ADAMTS9: variants seen among roughly 807,000 people sequenced by gnomAD.
ADAMTS9 encodes A disintegrin and metalloproteinase with thrombospondin motifs 9.
Under a neutral mutation model 257.1 loss-of-function variants are expected in ADAMTS9, and 107 were observed. The ratio of observed to expected loss-of-function variants is 0.42; its 90% CI spans 0.36 to 0.49. ADAMTS9 has a LOEUF of 0.49. Ranked by LOEUF, ADAMTS9 falls within the 20% of genes least tolerant of loss-of-function variation. ADAMTS9 has a pLI of 0.03. For missense variants in ADAMTS9, 2,353 were observed against 2,469.1 expected, an observed-to-expected ratio of 0.95 and a Z score of 1.00; for synonymous variants, 982 against 880.9, an observed-to-expected ratio of 1.11 and a Z score of -2.03.
chr3:64,557,145 C>G lies in ADAMTS9; in HGVS notation c.4698+4433G>C, dbSNP rs2083349263. Among the ~76,000 whole-genome samples, 8 of 151,972 alleles carry G rather than the reference C, an allele frequency of 5.3e-5. No individual in the cohort carries two copies. The South Asian group carries it at 1.7e-3, about 32-fold the overall frequency. ...GAGGAAGTGACATCTAGGTTGAGGC[C>G]TGAAGGATAAGAAAGGGTGACTGAG... On this transcript the variant is annotated intron_variant, in intron 30 of 39. Coordinates refer to ENST00000498707, the MANE Select transcript of ADAMTS9 (RefSeq NM_182920.2).
intron 3 of ADAMTS9, among the ~76,000 whole-genome samples, chr3:64,659,473 CAA>C (rs60660621): frequency 3.1e-3 from 282 of 90,630 alleles, no homozygotes; most frequent in African/African-American, 8.6e-3. Flanking sequence ...CTGTCTCAAA[CAA>C]AAAAAAAAAA....
At chr3:64,675,429 A>C (rs1468127262) in intron 3 of ADAMTS9, among the ~76,000 whole-genome samples, 1 of 152,126 alleles carries the variant, frequency 6.6e-6, no homozygotes, top group Non-Finnish European at 1.5e-5. Flanking sequence ...TCAGTCCTGT[A>C]ATCCCAGGGA....
chr3:64,582,336 C>T (rs1030114282), intron 28 of ADAMTS9, among the ~76,000 whole-genome samples: 1 of 152,100 alleles, frequency 6.6e-6, no homozygotes, highest in Non-Finnish European at 1.5e-5. Flanking sequence ...TTTAAAAACC[C>T]AGACAAAGTG....
chr3:64,660,960 G>A (rs904715093), intron 3 of ADAMTS9, among the ~76,000 whole-genome samples: 1 of 152,130 alleles, frequency 6.6e-6, no homozygotes, highest in Non-Finnish European at 1.5e-5. Flanking sequence ...GATACAGTGC[G>A]CAATCAGTTT....
chr3:64,634,327 T>C (rs1035524134), intron 12 of ADAMTS9, among the ~76,000 whole-genome samples: 1 of 152,190 alleles, frequency 6.6e-6, no homozygotes, highest in African/African-American at 2.4e-5. Context: ...TACCTTGACA[T>C]ATTCACAGGA....
chr3:64,542,038 G>A, intron 32 of ADAMTS9, 68 bp from the exon 33 acceptor site: 1 of 1,596,888 alleles, frequency 6.3e-7, no homozygotes, highest in Non-Finnish European at 8.5e-7. Context: ...TGGTGGTGTG[G>A]AGCTCAGAGC....
In ADAMTS9 at chr3:64,686,549, G is replaced by C. The variant is rs1043245427; in HGVS notation, c.516+19C>G. The stretch of plus-strand genomic sequence containing the variant: ...GCGAGGAGGCGGAAGGGGAGAGGAG[G>C]TGGCGCGCGCCCACTTACCATTCCT... On this transcript the variant is annotated intron_variant, in intron 2 of 39. Coordinates refer to ENST00000498707, the MANE Select transcript of ADAMTS9 (RefSeq NM_182920.2). The surrounding 1 kb of genome is among the most constrained non-coding windows in gnomAD (Gnocchi z 4.6). 6.3e-6 allele frequency: 10 copies of C among 1,580,004 alleles called. No individual in the cohort carries two copies. The highest frequency in any genetic ancestry group is 6.9e-6 in the Non-Finnish European group (8 of 1,162,140).
At chr3:64,678,754 G>C (rs562275161) in intron 3 of ADAMTS9, among the ~76,000 whole-genome samples, 3 of 152,248 alleles carry the variant, frequency 2.0e-5, no homozygotes, top group Non-Finnish European at 4.4e-5. Context: ...TTGACCTGTT[G>C]GTCCATTCCT....
At chr3:64,569,882 C>A (rs1181842363) in intron 28 of ADAMTS9, among the ~76,000 whole-genome samples, 1 of 152,118 alleles carries the variant, frequency 6.6e-6, no homozygotes, top group Non-Finnish European at 1.5e-5. Flanking sequence ...AGGAAGCCAT[C>A]CAACTTGAAA....
intron 12 of ADAMTS9, among the ~76,000 whole-genome samples, chr3:64,639,461 C>G (rs1004060877): frequency 6.6e-6 from 1 of 151,976 alleles, no homozygotes; most frequent in East Asian, 1.9e-4. Flanking sequence ...GATCTTTACA[C>G]TGGGTGATTT....
At chr3:64,658,247 G>A (rs75581931) in intron 4 of ADAMTS9, among the ~76,000 whole-genome samples, 4,249 of 152,278 alleles carry the variant, frequency 0.028, 252 homozygotes, top group East Asian at 0.23. Context: ...ACCTGGCAGC[G>A]TTGCCAGAAG....
chr3:64,570,848 T>TG (rs2083667572), intron 28 of ADAMTS9, among the ~76,000 whole-genome samples: 1 of 151,778 alleles, frequency 6.6e-6, no homozygotes, highest in South Asian at 2.1e-4. Flanking sequence ...CTTACAGAGA[T>TG]GGGGAAAACT....
rs1485422320 is a variant in ADAMTS9 at position 64,615,433 on chromosome 3, T to C, written c.3077A>G (p.Asn1026Ser). The change falls in exon 21 of 40, where the codon AAT (asparagine) becomes AGT (serine). Residue 1026 changes from asparagine (N) to serine (S), a missense_variant. Asn to Ser is a conservative substitution (Grantham distance 46). Coordinates refer to ENST00000498707, the MANE Select transcript of ADAMTS9 (RefSeq NM_182920.2). Reference sequence around the variant, plus strand: ...GTCATCCAGTACATCATTTCGGGTATTGACACAAATAGCCCTTCTCCTCTG... The same window carrying C: ...GTCATCCAGTACATCATTTCGGGTACTGACACAAATAGCCCTTCTCCTCTG... ...GTQRRRAICV[N>S]TRNDVLDDSK... 1.2e-6 allele frequency: 2 copies of C among 1,614,018 alleles called. No homozygotes were observed. The highest frequency in any genetic ancestry group is 8.5e-7 in the Non-Finnish European group (1 of 1,179,900).
Position 64,607,064 on chromosome 3 carries a change from C to T in ADAMTS9, c.3370G>A (p.Gly1124Arg). ...GPWGQCSVTC[G>R]QGYQLRAVKC... ...ACTGCTCTTAGCTGGTATCCCTGTCCACAAGTGACACTGCACTGGAAGAAG... is the reference window on the plus strand; with the variant it reads ...ACTGCTCTTAGCTGGTATCCCTGTCTACAAGTGACACTGCACTGGAAGAAG... The change falls in exon 23 of 40, where the codon GGA (glycine) becomes AGA (arginine). Residue 1124 changes from glycine (G) to arginine (R), a missense_variant. Physicochemically the swap from Gly to Arg is moderately radical, Grantham distance 125. Coordinates refer to ENST00000498707, the MANE Select transcript of ADAMTS9 (RefSeq NM_182920.2). 7 of 1,613,732 alleles carry T rather than the reference C, an allele frequency of 4.3e-6. No individual in the cohort carries two copies. The highest frequency in any genetic ancestry group is 5.9e-6 in the Non-Finnish European group (7 of 1,179,746).
At chr3:64,660,191 G>A (rs1182176008) in intron 3 of ADAMTS9, among the ~76,000 whole-genome samples, 1 of 152,106 alleles carries the variant, frequency 6.6e-6, no homozygotes, top group Non-Finnish European at 1.5e-5. Flanking sequence ...CAACAGAATT[G>A]TACAATGAAG....
At chr3:64,635,910 T>C (rs551614244) in intron 12 of ADAMTS9, among the ~76,000 whole-genome samples, 30 of 152,290 alleles carry the variant, frequency 2.0e-4, no homozygotes, top group Non-Finnish European at 2.9e-4. Flanking sequence ...CCTGCTCAGG[T>C]AAAACTTGTT....
intron 16 of ADAMTS9, among the ~76,000 whole-genome samples, chr3:64,625,083 G>A (rs946975956): frequency 6.6e-6 from 1 of 152,110 alleles, no homozygotes; most frequent in Non-Finnish European, 1.5e-5. Flanking sequence ...AAAGATACAG[G>A]CCATATATTT....
In ADAMTS9 at chr3:64,518,764, A is replaced by ATTT. The variant is rs61286740; in HGVS notation, c.*6-1646_*6-1644dup. 9.0e-3 allele frequency among the ~76,000 whole-genome samples: 590 copies of ATTT among 65,324 alleles called. 51 individuals are homozygous for ATTT. Among genetic ancestry groups the ATTT allele is most frequent in the African/African-American group, 0.02 (413 of 20,196 alleles). The allele number at this position is 65,324 out of a possible 152,430, so 42.9% of individuals were successfully genotyped here. On this transcript the variant is annotated intron_variant, in intron 39 of 39. Transcript: ENST00000498707. ...CGAGGGAATTTATCATTACCTTTTC[A>ATTT]TTTTTTTTTTTTTTTTTTTTTTTTT... is the stretch of plus-strand genomic sequence containing the variant.
At chr3:64,599,033 C>T (rs2084412299) in intron 26 of ADAMTS9, among the ~76,000 whole-genome samples, 1 of 152,152 alleles carries the variant, frequency 6.6e-6, no homozygotes, top group Non-Finnish European at 1.5e-5. Context: ...GATCCATGGT[C>T]AAGCAATCCA....
Sources: allele counts gnomAD v4.1 joint callset (sites outside exome capture counted in the v4.1 genomes callset), GRCh38; gene constraint gnomAD v4.1.1; non-coding constraint Gnocchi (gnomAD v3.1); transcripts MANE v1.5; gene names NCBI Gene and HGNC (gene_info 2026-07-23, HGNC 2026-07-21).